The following NUDCD3 variants were observed in gnomAD, a reference collection of about 807,000 sequenced individuals.
NUDCD3 encodes the protein NudC domain containing 3, also known as nudC domain-containing protein 3.
NUDCD3 carries 13 observed loss-of-function variants against 39.7 expected under a neutral mutation model. That is an observed-to-expected ratio of 0.33 (90% CI 0.21 to 0.52). NUDCD3 has a LOEUF of 0.52. Ranked by LOEUF, NUDCD3 falls within the 20% of genes least tolerant of loss-of-function variation. The probability of loss-of-function intolerance (pLI) is 0.96; values close to 1 mark genes in which losing one functional copy is unlikely to be tolerated. For synonymous variants in NUDCD3, 175 were observed against 172.4 expected (o/e 1.02, Z -0.12); for missense variants, 453 against 458.1 (o/e 0.99, Z 0.10).
intron 4 of NUDCD3, among the ~76,000 whole-genome samples, chr7:44,392,853 C>T (rs1191863365): frequency 6.6e-6 from 1 of 151,930 alleles, no homozygotes; most frequent in South Asian, 2.1e-4. Flanking sequence ...ACCCATGACA[C>T]CCCCCCACAC....
intron 3 of NUDCD3, chr7:44,425,892 C>A (rs917819617): frequency 6.6e-6 from 1 of 152,364 alleles, no homozygotes; most frequent in African/African-American, 2.4e-5. Context: ...GATTAAACGT[C>A]TACTCACTTA....
chr7:44,383,768 A>G lies in NUDCD3; in HGVS notation c.*2243T>C, dbSNP rs1798348142. 6.6e-6 allele frequency: 1 copy of G among 152,220 alleles called. No homozygotes were observed. Among genetic ancestry groups the G allele is most frequent in the Non-Finnish European group, 1.5e-5 (1 of 68,056 alleles). The allele number at this position is 152,220 out of a possible 1,614,324, so 9.4% of individuals were successfully genotyped here. A position where few individuals can be genotyped will look rare whatever the true frequency, so the allele number is the denominator to read the frequency against. ...TGCGGCTGTTGTGTCTAAAAAGAGAAAACAGGCAGGGTGTGCCAGCTCTGG... is the reference window on the plus strand; with the variant it reads ...TGCGGCTGTTGTGTCTAAAAAGAGAGAACAGGCAGGGTGTGCCAGCTCTGG... On this transcript the variant is annotated 3_prime_UTR_variant, in exon 6 of 6. Coordinates refer to ENST00000355451, the MANE Select transcript of NUDCD3 (RefSeq NM_015332.4).
intron 5 of NUDCD3, among the ~76,000 whole-genome samples, chr7:44,388,611 A>G (rs1798448323): frequency 6.6e-6 from 1 of 152,254 alleles, no homozygotes. Context: ...CATCAGCACC[A>G]GGCAGGTGCC....
chr7:44,419,392 G>A (rs1307746668), intron 3 of NUDCD3, among the ~76,000 whole-genome samples: 1 of 152,180 alleles, frequency 6.6e-6, no homozygotes, highest in South Asian at 2.1e-4. Flanking sequence ...AGAAGGGACG[G>A]CTGTGGGCGC....
At chr7:44,432,579 C>G (rs922992681) in intron 2 of NUDCD3, among the ~76,000 whole-genome samples, 1 of 152,216 alleles carries the variant, frequency 6.6e-6, no homozygotes, top group Admixed American at 6.5e-5. Flanking sequence ...AAGCTTGCTG[C>G]TCCCCACTTC....
In NUDCD3 at chr7:44,404,854, A is replaced by G. The variant is rs896911122; in HGVS notation, c.643-271T>C. ...CTGTGGTGGAAGCTGCTGTGACCCA[A>G]TCTTCTTCTCCCTTCTCCAGTTAAC... On this transcript the variant is annotated intron_variant, in intron 3 of 5. Coordinates refer to ENST00000355451, the MANE Select transcript of NUDCD3 (RefSeq NM_015332.4). Among the ~76,000 whole-genome samples the G allele has an allele frequency of 4.6e-5, 7 of 152,288 alleles. No individual in the cohort carries two copies. In the South Asian group the frequency reaches 1.5e-3, roughly 32 times the overall value.
At chr7:44,422,668 C>G (rs1799163120) in intron 3 of NUDCD3, among the ~76,000 whole-genome samples, 1 of 152,132 alleles carries the variant, frequency 6.6e-6, no homozygotes, top group African/African-American at 2.4e-5. Context: ...CAAAAAAGCT[C>G]AGGGCCAGAC....
chr7:44,389,404 C>T (rs1798468182), intron 5 of NUDCD3, among the ~76,000 whole-genome samples: 1 of 152,182 alleles, frequency 6.6e-6, no homozygotes, highest in South Asian at 2.1e-4. Flanking sequence ...GCCGGCCGGG[C>T]GCGGTGGCTC....
intron 2 of NUDCD3, among the ~76,000 whole-genome samples, chr7:44,468,621 C>A (rs1020671761): frequency 6.6e-6 from 1 of 152,176 alleles, no homozygotes; most frequent in Non-Finnish European, 1.5e-5. Flanking sequence ...TGCTCATCCA[C>A]TGGGAGAGTC....
intron 3 of NUDCD3, chr7:44,413,430 C>T (rs1235304049): frequency 1.3e-5 from 2 of 152,200 alleles, no homozygotes; most frequent in African/African-American, 4.8e-5. Flanking sequence ...ATACATATCA[C>T]CTACAAAGGA....
rs1798382042 is a variant in NUDCD3 at position 44,385,288 on chromosome 7, C to CT, written c.*722dup. The CT allele has an allele frequency of 6.6e-6, 1 of 152,264 alleles. No homozygotes were observed. The allele number at this position is 152,264 out of a possible 1,614,324, so 9.4% of individuals were successfully genotyped here. On this transcript the variant is annotated 3_prime_UTR_variant, in exon 6 of 6. Coordinates refer to ENST00000355451, the MANE Select transcript of NUDCD3 (RefSeq NM_015332.4). ...ATGCGTGGTGGCCGGGCTTGGTTCA[C>CT]TTCAACAAGAACCAAAGCAAGGTCG... is the stretch of plus-strand genomic sequence containing the variant.
At chr7:44,488,230 G>A (rs954261833) in intron 1 of NUDCD3, among the ~76,000 whole-genome samples, 1 of 151,142 alleles carries the variant, frequency 6.6e-6, no homozygotes, top group African/African-American at 2.4e-5. Flanking sequence ...AGCTACTCGA[G>A]AGGCTGAGGC....
intron 1 of NUDCD3, 30 bp downstream of exon 1, chr7:44,490,379 C>T (rs1800710727): frequency 6.7e-7 from 1 of 1,497,154 alleles, no homozygotes; most frequent in East Asian, 2.5e-5. Context: ...GGGGCGGCGG[C>T]TCCCCAGACC....
chr7:44,440,674 T>C (rs939107206), intron 2 of NUDCD3, among the ~76,000 whole-genome samples: 3 of 152,006 alleles, frequency 2.0e-5, no homozygotes, highest in South Asian at 2.1e-4. Context: ...GACCATGGGG[T>C]TGAAGCCAGC....
At position 44,385,384 on chromosome 7, in the gene NUDCD3, T is replaced by C. The variant is rs17711306; in HGVS notation, c.*627A>G. The C allele has an allele frequency of 0.13, 19,587 of 152,206 alleles. 1,675 individuals are homozygous for C. The highest frequency in any genetic ancestry group is 0.19 in the Non-Finnish European group (13,005 of 68,060). The allele number at this position is 152,206 out of a possible 1,614,324, so 9.4% of individuals were successfully genotyped here. On this transcript the variant is annotated 3_prime_UTR_variant, in exon 6 of 6. Transcript: ENST00000355451. ...AGAACCTAGGCTTTCTCCGAACAACTAGAACGTGCAAACAGGGCTCCAGTC... is the reference window on the plus strand; with the variant it reads ...AGAACCTAGGCTTTCTCCGAACAACCAGAACGTGCAAACAGGGCTCCAGTC...
At chr7:44,449,058 C>G (rs1190264129) in intron 2 of NUDCD3, among the ~76,000 whole-genome samples, 1 of 152,168 alleles carries the variant, frequency 6.6e-6, no homozygotes, top group Non-Finnish European at 1.5e-5. Flanking sequence ...GAGCATGGAA[C>G]AGAGGTCAGA....
At chr7:44,404,276 C>T (rs754233198) in intron 4 of NUDCD3, among the ~76,000 whole-genome samples, 164 bp downstream of exon 4, 16 of 152,126 alleles carry the variant, frequency 1.1e-4, no homozygotes, top group Non-Finnish European at 2.1e-4. Flanking sequence ...CCCACAGAGA[C>T]GATCTCTGAG....
At chr7:44,396,690 G>T (rs1359314726) in intron 4 of NUDCD3, among the ~76,000 whole-genome samples, 1 of 152,042 alleles carries the variant, frequency 6.6e-6, no homozygotes, top group Non-Finnish European at 1.5e-5. Flanking sequence ...ATGTGTAAAT[G>T]TTTCTGCTGT....
intron 4 of NUDCD3, 136 bp downstream of exon 4, chr7:44,404,304 A>C: frequency 1.2e-6 from 1 of 852,896 alleles, no homozygotes. Context: ...GAAAATGCTC[A>C]GGAAAACCCA....
Sources: gnomAD v4.1 joint callset for allele counts (sites outside exome capture counted in the v4.1 genomes callset) on GRCh38, gnomAD v4.1.1 for gene constraint, MANE v1.5 for transcripts, NCBI Gene and HGNC (gene_info 2026-07-23, HGNC 2026-07-21) for gene names.